Variants in PSD3 observed in about 807,000 individuals in gnomAD.
PSD3 encodes pleckstrin and Sec7 domain containing 3, also known as PH and SEC7 domain-containing protein 3.
Under a neutral mutation model 105.5 loss-of-function variants are expected in PSD3, and 49 were observed. The observed-to-expected ratio is 0.46, with a 90% CI of 0.37 to 0.59. The LOEUF (loss-of-function observed/expected upper bound fraction) is 0.59. Ranked by LOEUF, PSD3 falls within the 20% of genes least tolerant of loss-of-function variation. The pLI, the probability that PSD3 is intolerant of heterozygous loss-of-function variation, is 0.00. For missense variants in PSD3, 1,561 were observed against 1,263.8 expected, an observed-to-expected ratio of 1.24 and a Z score of -3.57; for synonymous variants, 557 against 457.8, an observed-to-expected ratio of 1.22 and a Z score of -2.77.
At chr8:19,038,722 A>C (rs1472088316) in intron 1 of PSD3, among the ~76,000 whole-genome samples, 26 of 152,272 alleles carry the variant, frequency 1.7e-4, no homozygotes, top group Non-Finnish European at 1.5e-5. Flanking sequence ...TTGACCTCCG[A>C]AGGTGCTGTG....
chr8:18,773,179 A>T (rs1464536356), intron 8 of PSD3, among the ~76,000 whole-genome samples: 1 of 152,130 alleles, frequency 6.6e-6, no homozygotes, highest in Non-Finnish European at 1.5e-5. Context: ...AAACATTGAG[A>T]TAATTTTTAT....
chr8:18,730,140 G>T (rs1387561686), intron 9 of PSD3: 1 of 152,058 alleles, frequency 6.6e-6, no homozygotes, highest in Non-Finnish European at 1.5e-5. Context: ...TTTTCCCAAG[G>T]CACCACTTCT....
At chr8:19,040,726 T>G (rs895656283) in intron 1 of PSD3, among the ~76,000 whole-genome samples, 7 of 152,128 alleles carry the variant, frequency 4.6e-5, no homozygotes, top group Admixed American at 2.6e-4. Flanking sequence ...AATATATTGG[T>G]GCAAGTGATG....
chr8:18,939,258 G>A (rs1258091346), intron 1 of PSD3, among the ~76,000 whole-genome samples: 1 of 152,202 alleles, frequency 6.6e-6, no homozygotes, highest in African/African-American at 2.4e-5. Context: ...AGTTCATGAA[G>A]CTGGGGAGGG....
intron 10 of PSD3, among the ~76,000 whole-genome samples, chr8:18,636,133 T>A (rs575259534): frequency 1.3e-5 from 2 of 152,108 alleles, no homozygotes; most frequent in African/African-American, 4.8e-5. Flanking sequence ...AGTGGGACAA[T>A]ACATGAGGCG....
rs549437142 is a variant in PSD3 at position 18,805,019 on chromosome 8, T to C, written c.1635-121A>G. ...GCTACACTTAGATGAGATCACTGTA[T>C]GTTTAAATATTCATAAAAATTTTTT... On this transcript the variant is annotated intron_variant, in intron 4 of 15. Coordinates refer to ENST00000327040, the MANE Select transcript of PSD3 (RefSeq NM_015310.4). 64 of 831,720 alleles carry C rather than the reference T, an allele frequency of 7.7e-5. No individual in the cohort carries two copies. In the South Asian group the frequency reaches 1.2e-3, roughly 16 times the overall value. 51.5% of individuals were successfully genotyped at this position (831,720 alleles called of 1,614,324 possible). A position where few individuals can be genotyped will look rare whatever the true frequency, so the allele number is the denominator to read the frequency against.
intron 1 of PSD3, among the ~76,000 whole-genome samples, chr8:18,948,301 G>C (rs1409992247): frequency 6.6e-6 from 1 of 152,080 alleles, no homozygotes; most frequent in East Asian, 1.9e-4. Flanking sequence ...CATCTTACTG[G>C]CTACAGACTC....
intron 1 of PSD3, among the ~76,000 whole-genome samples, chr8:19,036,560 A>G (rs1478413139): frequency 1.3e-5 from 2 of 152,196 alleles, no homozygotes; most frequent in African/African-American, 4.8e-5. Context: ...AAAGAAACAC[A>G]AAGATAAGCA....
At chr8:18,765,357 T>A in intron 9 of PSD3, 92 bp downstream of exon 9, 1 of 1,194,734 alleles carries the variant, frequency 8.4e-7, no homozygotes, top group Non-Finnish European at 1.2e-6. Context: ...AAAAGCAAAA[T>A]ACTTAAGTGA....
chr8:18,880,632 C>A (rs909664124), intron 2 of PSD3, among the ~76,000 whole-genome samples: 1 of 152,182 alleles, frequency 6.6e-6, no homozygotes, highest in Non-Finnish European at 1.5e-5. Context: ...CTCCTCTGCC[C>A]CAGGCCCCTC....
chr8:18,884,672 T>C (rs1818342374), intron 2 of PSD3, among the ~76,000 whole-genome samples: 2 of 152,196 alleles, frequency 1.3e-5, no homozygotes, highest in Admixed American at 1.3e-4. Flanking sequence ...CACAAGCTTC[T>C]AACGTGTGCA....
chr8:18,610,721 G>T (rs1805202000), intron 11 of PSD3, among the ~76,000 whole-genome samples: 1 of 152,158 alleles, frequency 6.6e-6, no homozygotes, highest in South Asian at 2.1e-4. Context: ...GAGAGAATTG[G>T]AAGAATATTC....
chr8:18,563,477 A>G (rs1490353052), intron 14 of PSD3, among the ~76,000 whole-genome samples: 1 of 152,144 alleles, frequency 6.6e-6, no homozygotes, highest in Non-Finnish European at 1.5e-5. Context: ...TCAAATTGCT[A>G]AACACTGGAA....
intron 4 of PSD3, among the ~76,000 whole-genome samples, chr8:18,808,533 A>G (rs931156254): frequency 6.6e-6 from 1 of 152,122 alleles, no homozygotes; most frequent in Non-Finnish European, 1.5e-5. Flanking sequence ...TTTTCCTCAC[A>G]TTCACCAAAA....
chr8:19,005,875 G>A (rs1395099485), intron 1 of PSD3, among the ~76,000 whole-genome samples: 1 of 151,874 alleles, frequency 6.6e-6, no homozygotes, highest in Non-Finnish European at 1.5e-5. Context: ...AAATCAATGA[G>A]TGTACACTTT....
chr8:18,731,191 G>A (rs1269247527), intron 9 of PSD3, among the ~76,000 whole-genome samples: 1 of 152,188 alleles, frequency 6.6e-6, no homozygotes, highest in Non-Finnish European at 1.5e-5. Context: ...GGGAAGCGGA[G>A]GTTGCAGTGA....
intron 9 of PSD3, among the ~76,000 whole-genome samples, chr8:18,720,359 A>C (rs1410839230): frequency 6.6e-6 from 1 of 151,980 alleles, no homozygotes; most frequent in Non-Finnish European, 1.5e-5. Context: ...TCTTAAGGTG[A>C]CTCTTTGGAT....
chr8:18,630,307 A>T (rs1806801831), intron 11 of PSD3, among the ~76,000 whole-genome samples: 1 of 151,936 alleles, frequency 6.6e-6, no homozygotes, highest in Non-Finnish European at 1.5e-5. Flanking sequence ...GCCTGGTACA[A>T]GGTGTCTGTG....
intron 1 of PSD3, among the ~76,000 whole-genome samples, chr8:19,047,675 C>T (rs1297572095): frequency 6.6e-6 from 1 of 152,152 alleles, no homozygotes; most frequent in African/African-American, 2.4e-5. Context: ...CACCTTATGT[C>T]ATACCTGGCA....
Sources: gnomAD v4.1 joint callset for allele counts (sites outside exome capture counted in the v4.1 genomes callset) on GRCh38, gnomAD v4.1.1 for gene constraint, MANE v1.5 for transcripts, NCBI Gene and HGNC (gene_info 2026-07-23, HGNC 2026-07-21) for gene names.